Variants in IRAK1BP1 observed in about 807,000 individuals in gnomAD.
IRAK1BP1 encodes the protein interleukin 1 receptor associated kinase 1 binding protein 1, also known as interleukin-1 receptor-associated kinase 1-binding protein 1.
In IRAK1BP1, 24 loss-of-function variants were observed where a neutral mutation model predicts 28.0. The observed-to-expected ratio is 0.86, with a 90% confidence interval of 0.62 to 1.20. The LOEUF (loss-of-function observed/expected upper bound fraction) is 1.20, where lower values mean the gene tolerates loss of function less well. IRAK1BP1 is among the 50% of genes most tolerant of loss of function. The probability of loss-of-function intolerance (pLI) is 0.00; values close to 1 mark genes in which losing one functional copy is unlikely to be tolerated. For synonymous variants in IRAK1BP1, 131 were observed against 116.3 expected, an observed-to-expected ratio of 1.13 and a Z score of -0.81; for missense variants, 336 against 316.7, an observed-to-expected ratio of 1.06 and a Z score of -0.46.
chr6:78,951,000 G>A (rs1774108659), downstream of IRAK1BP1, among the ~76,000 whole-genome samples: 1 of 152,004 alleles, frequency 6.6e-6, no homozygotes, highest in African/African-American at 2.4e-5. Flanking sequence ...AAATTTCCCT[G>A]CATTGCTTTA....
At chr6:78,962,749 A>G in the IRAK1BP1 span, among the ~76,000 whole-genome samples, 1 of 152,146 alleles carries the variant, frequency 6.6e-6, no homozygotes, top group Non-Finnish European at 1.5e-5. Flanking sequence ...AGCTACCCAT[A>G]TAATTATAAC....
At chr6:78,970,293 G>A in the IRAK1BP1 span, 1 of 751,024 alleles carries the variant, frequency 1.3e-6, no homozygotes, top group South Asian at 1.9e-5. Flanking sequence ...TGATGACTGT[G>A]TACATGTAAA....
At chr6:78,967,219 G>A in the IRAK1BP1 span, among the ~76,000 whole-genome samples, 1 of 152,164 alleles carries the variant, frequency 6.6e-6, no homozygotes, top group East Asian at 1.9e-4. Context: ...GGAGCCAGGA[G>A]AAAAGTTAAT....
intron 4 of IRAK1BP1, among the ~76,000 whole-genome samples, chr6:78,935,152 T>A (rs1331223336): frequency 6.6e-6 from 1 of 152,160 alleles, no homozygotes; most frequent in African/African-American, 2.4e-5. Flanking sequence ...TTCTTCTAAG[T>A]ATATACTAGG....
intron 4 of IRAK1BP1, among the ~76,000 whole-genome samples, chr6:78,935,066 G>A (rs1351493490): frequency 6.6e-6 from 1 of 152,104 alleles, no homozygotes; most frequent in Non-Finnish European, 1.5e-5. Context: ...GGGGAATCCT[G>A]GGTCATAAAA....
intron 1 of IRAK1BP1, 97 bp downstream of exon 1, chr6:78,867,988 TGGA>T: frequency 7.8e-7 from 1 of 1,286,618 alleles, no homozygotes; most frequent in Non-Finnish European, 1.1e-6. Flanking sequence ...AAGGGAGATG[TGGA>T]GGGTCTGGAG....
At chr6:78,969,950 A>G in the IRAK1BP1 span, 1 of 1,554,494 alleles carries the variant, frequency 6.4e-7, no homozygotes, top group East Asian at 2.2e-5. Context: ...TGATTAGGTC[A>G]CATACCTAAA....
chr6:78,950,134 A>T (rs924007347), downstream of IRAK1BP1, among the ~76,000 whole-genome samples: 1 of 152,212 alleles, frequency 6.6e-6, no homozygotes, highest in Non-Finnish European at 1.5e-5. Context: ...GGATTACTTG[A>T]TATAATCATG....
At chr6:78,893,306 GTGTGTGTGTATATATATATATATATA>G (rs1771736795) in intron 2 of IRAK1BP1, among the ~76,000 whole-genome samples, 1 of 97,874 alleles carries the variant, frequency 1.0e-5, no homozygotes. Context: ...GTGTGTGTGT[GTGTGTGTGTATATATATATATATATA>G]TATATATATA....
At chr6:78,955,000 C>T in the IRAK1BP1 span, 2 of 1,418,946 alleles carry the variant, frequency 1.4e-6, no homozygotes, top group East Asian at 2.4e-5. Context: ...AATAAAAGAG[C>T]ACTTACACAA....
At chr6:78,978,652 T>C in the IRAK1BP1 span, 2 of 1,598,592 alleles carry the variant, frequency 1.3e-6, no homozygotes, top group Non-Finnish European at 1.7e-6. Flanking sequence ...TAATCCATGT[T>C]GATGGCAACC....
Position 78,867,759 on chromosome 6 carries a change from G to A in IRAK1BP1, c.183G>A (p.Val61=). ...REVQVSGTSE[V]SAGPDRAQVV... The stretch of plus-strand genomic sequence containing the variant: ...TGCAAGTAAGCGGCACCTCAGAAGT[G>A]TCTGCGGGCCCTGACCGGGCGCAGG... Residue 61 remains valine, a synonymous_variant, in exon 1 of 4, where the codon GTG becomes GTA. Coordinates refer to ENST00000369940, the MANE Select transcript of IRAK1BP1 (RefSeq NM_001010844.4). 1 of 1,614,180 alleles carries A rather than the reference G, an allele frequency of 6.2e-7. No individual in the cohort carries two copies. The highest frequency in any genetic ancestry group is 8.5e-7 in the Non-Finnish European group (1 of 1,180,022).
intron 4 of IRAK1BP1, among the ~76,000 whole-genome samples, chr6:78,915,746 G>T (rs1474514302): frequency 2.6e-5 from 4 of 152,250 alleles, no homozygotes; most frequent in Admixed American, 2.0e-4. Context: ...AGACCTCCCA[G>T]CCTTTCCTGG....
chr6:78,944,175 T>C lies in IRAK1BP1; in HGVS notation c.*68-1233T>C, dbSNP rs537835769. Among the ~76,000 whole-genome samples the C allele has an allele frequency of 7.2e-5, 11 of 152,054 alleles. No homozygotes were observed. In the South Asian group the frequency reaches 2.3e-3, roughly 32 times the overall value. ...AAAGACTCAGGAACTTCTAAGTGTT[T>C]AGGATGACTGGGATACAAAAGAGAG... On this transcript the variant is annotated intron_variant and NMD_transcript_variant, in intron 4 of 4. Coordinates refer to the IRAK1BP1 transcript ENST00000606868.
chr6:78,942,257 C>T (rs928384614), intron 4 of IRAK1BP1, among the ~76,000 whole-genome samples: 1 of 152,092 alleles, frequency 6.6e-6, no homozygotes, highest in Non-Finnish European at 1.5e-5. Context: ...CCAAAGTGGG[C>T]GGATCACCTG....
chr6:78,903,852 AC>A (rs1325877045), downstream of IRAK1BP1, among the ~76,000 whole-genome samples: 1 of 152,188 alleles, frequency 6.6e-6, no homozygotes, highest in African/African-American at 2.4e-5. Flanking sequence ...AGAGTAAAAT[AC>A]AGACATATAG....
intron 2 of IRAK1BP1, 106 bp downstream of exon 2, chr6:78,885,549 G>C (rs1017439330): frequency 5.5e-6 from 3 of 540,900 alleles, no homozygotes; most frequent in Non-Finnish European, 6.6e-6. Context: ...GATATTAATA[G>C]AAGATTATTT....
the IRAK1BP1 span, chr6:78,961,877 CTTGAA>C: frequency 2.3e-6 from 3 of 1,301,784 alleles, no homozygotes; most frequent in Non-Finnish European, 3.2e-6. Flanking sequence ...AAGAATTCTG[CTTGAA>C]TTAAGACTTA....
chr6:78,965,641 T>TA, the IRAK1BP1 span: 1 of 935,004 alleles, frequency 1.1e-6, no homozygotes, highest in Non-Finnish European at 1.7e-6. Flanking sequence ...TAGCAAATCT[T>TA]AAATAATTTC....
Sources: allele counts gnomAD v4.1 joint callset (sites outside exome capture counted in the v4.1 genomes callset), GRCh38; gene constraint gnomAD v4.1.1; transcripts MANE v1.5; gene names NCBI Gene and HGNC (gene_info 2026-07-23, HGNC 2026-07-21).